Variants in THRB observed in about 807,000 individuals in gnomAD.
THRB encodes the protein nuclear receptor subfamily 1 group A member 2.
A neutral mutation model predicts 47.8 loss-of-function variants in THRB; 12 were observed. The ratio of observed to expected loss-of-function variants is 0.25; its 90% CI spans 0.16 to 0.41. The LOEUF is 0.41. Among genes scored for constraint, THRB ranks in the 10% least tolerant of loss-of-function variants. The pLI is 1.00. For missense variants in THRB, 348 were observed against 589.2 expected (o/e 0.59, Z 4.24); for synonymous variants, 218 against 212.2 (o/e 1.03, Z -0.24).
intron 1 of THRB, among the ~76,000 whole-genome samples, chr3:24,453,687 G>A (rs886783766): frequency 1.3e-5 from 2 of 152,190 alleles, no homozygotes; most frequent in African/African-American, 4.8e-5. Flanking sequence ...ACTACTTTCT[G>A]AATGAAATTC....
intron 1 of THRB, among the ~76,000 whole-genome samples, chr3:24,402,063 G>T (rs1194411089): frequency 6.6e-6 from 1 of 152,014 alleles, no homozygotes; most frequent in Non-Finnish European, 1.5e-5. Flanking sequence ...AAGCCAAGGA[G>T]AAGAAAGTAA....
intron 3 of THRB, among the ~76,000 whole-genome samples, chr3:24,290,169 A>C (rs1327266898): frequency 6.6e-6 from 1 of 152,130 alleles, no homozygotes; most frequent in Non-Finnish European, 1.5e-5. Context: ...ACCTCAAAAC[A>C]CTAGCAGAAA....
chr3:24,184,119 C>T (rs1026882125), intron 5 of THRB, among the ~76,000 whole-genome samples: 7 of 152,288 alleles, frequency 4.6e-5, no homozygotes, highest in African/African-American at 1.4e-4. Context: ...ATTCTTAATG[C>T]ATGCTTACTT....
chr3:24,485,069 T>C (rs1188384281), intron 1 of THRB, among the ~76,000 whole-genome samples: 4 of 152,344 alleles, frequency 2.6e-5, no homozygotes, highest in East Asian at 1.9e-4. Context: ...AATACTGAAA[T>C]GCTTCACACT....
At chr3:24,344,588 C>T (rs2062887710) in intron 1 of THRB, among the ~76,000 whole-genome samples, 1 of 151,920 alleles carries the variant, frequency 6.6e-6, no homozygotes, top group Non-Finnish European at 1.5e-5. Context: ...AAAAAAAATC[C>T]TCTAATGTAC....
At chr3:24,200,740 GAA>G (rs1232382706) in intron 4 of THRB, among the ~76,000 whole-genome samples, 1 of 152,136 alleles carries the variant, frequency 6.6e-6, no homozygotes, top group East Asian at 1.9e-4. Context: ...TTTCAATCTG[GAA>G]AAGTTTGGTT....
chr3:24,404,059 C>T (rs188358712), intron 1 of THRB, among the ~76,000 whole-genome samples: 3 of 151,974 alleles, frequency 2.0e-5, no homozygotes, highest in East Asian at 3.9e-4. Context: ...TATATACCAT[C>T]GTGGGCTTGA....
At chr3:24,212,198 A>T (rs553984238) in intron 4 of THRB, among the ~76,000 whole-genome samples, 1 of 152,046 alleles carries the variant, frequency 6.6e-6, no homozygotes, top group East Asian at 1.9e-4. Context: ...GGAGTTCGAG[A>T]CCAGCCTGGT....
At chr3:24,447,498 GTTAATATA>G (rs2072213840) in intron 1 of THRB, among the ~76,000 whole-genome samples, 5 of 152,202 alleles carry the variant, frequency 3.3e-5, no homozygotes, top group African/African-American at 9.6e-5. Flanking sequence ...ATCGTGTCCT[GTTAATATA>G]TTAATAAGTT....
intron 1 of THRB, among the ~76,000 whole-genome samples, chr3:24,426,672 T>A (rs1394508963): frequency 6.6e-6 from 1 of 152,022 alleles, no homozygotes. Context: ...CTGGGTTAAC[T>A]AAATTCTGTG....
At chr3:24,472,568 C>A (rs768061910) in intron 1 of THRB, among the ~76,000 whole-genome samples, 1 of 152,216 alleles carries the variant, frequency 6.6e-6, no homozygotes, top group Non-Finnish European at 1.5e-5. Context: ...AAAGTCAAGT[C>A]CTGGACTTGT....
At chr3:24,428,895 A>C (rs2070068529) in intron 1 of THRB, among the ~76,000 whole-genome samples, 2 of 151,996 alleles carry the variant, frequency 1.3e-5, no homozygotes, top group Admixed American at 1.3e-4. Flanking sequence ...GCCAAAAAAA[A>C]AAAAAAGTAA....
chr3:24,446,736 T>A (rs557499275), intron 1 of THRB, among the ~76,000 whole-genome samples: 1 of 152,318 alleles, frequency 6.6e-6, no homozygotes, highest in East Asian at 1.9e-4. Context: ...GGGTGCTCTC[T>A]ATGGTTCTGG....
intron 8 of THRB, among the ~76,000 whole-genome samples, chr3:24,138,105 T>C (rs1188915816): frequency 6.6e-6 from 1 of 152,038 alleles, no homozygotes; most frequent in Non-Finnish European, 1.5e-5. Context: ...TTTGACTATT[T>C]CATTAGTATT....
chr3:24,302,592 T>C (rs1013003276), intron 2 of THRB, among the ~76,000 whole-genome samples: 2 of 152,234 alleles, frequency 1.3e-5, no homozygotes, highest in Non-Finnish European at 2.9e-5. Context: ...GTCACAAACC[T>C]CAAGTTTCTG....
intron 3 of THRB, among the ~76,000 whole-genome samples, chr3:24,271,517 T>C (rs79370145): frequency 0.015 from 2,219 of 152,320 alleles, 57 homozygotes; most frequent in African/African-American, 0.05. Flanking sequence ...CGAAGCACAC[T>C]GAACTTGATC....
rs146891056 is a variant in THRB, at chr3:24,210,248, G to A, written c.22+18690C>T. On this transcript the variant is annotated intron_variant, in intron 4 of 10. Transcript: ENST00000646209. ...ACCTAGAAAGTTGAAAAGATGGGGA[G>A]GGTGGGAGGAAACTGCCAAAGTGAG... is the stretch of plus-strand genomic sequence containing the variant. Among the ~76,000 whole-genome samples, 451 of 152,258 alleles carry A rather than the reference G, an allele frequency of 3.0e-3. 7 individuals are homozygous for A. The East Asian group carries it at 0.053, about 18-fold the overall frequency.
chr3:24,379,946 T>C (rs1278058037), intron 1 of THRB, among the ~76,000 whole-genome samples: 1 of 151,664 alleles, frequency 6.6e-6, no homozygotes, highest in Non-Finnish European at 1.5e-5. Context: ...TCTCCTCATG[T>C]AGTAACTTTA....
intron 1 of THRB, among the ~76,000 whole-genome samples, chr3:24,488,479 T>A (rs1697637501): frequency 6.6e-6 from 1 of 151,614 alleles, no homozygotes; most frequent in Non-Finnish European, 1.5e-5. Flanking sequence ...AACATGCAGA[T>A]CAGCAAGACA....
Sources: gnomAD v4.1 joint callset for allele counts (sites outside exome capture counted in the v4.1 genomes callset) on GRCh38, gnomAD v4.1.1 for gene constraint, MANE v1.5 for transcripts, NCBI Gene and HGNC (gene_info 2026-07-23, HGNC 2026-07-21) for gene names.